Variants in SRPRB observed in about 807,000 individuals in gnomAD.
SRPRB encodes the protein SRP receptor subunit beta.
In SRPRB, 20 loss-of-function variants were observed where a neutral mutation model predicts 31.9. That is an observed-to-expected ratio of 0.63 (90% CI 0.44 to 0.91). The LOEUF (loss-of-function observed/expected upper bound fraction) is 0.91. Ranked by LOEUF, SRPRB falls within the 40% of genes least tolerant of loss-of-function variation. The pLI is 0.00. For missense variants in SRPRB, 321 were observed against 324.9 expected (o/e 0.99, Z 0.09); for synonymous variants, 146 against 132.8 (o/e 1.10, Z -0.68).
chr3:133,806,046 G>A, intron 1 of SRPRB, 44 bp downstream of exon 1: 2 of 1,596,764 alleles, frequency 1.3e-6, no homozygotes, highest in East Asian at 4.5e-5. Context: ...GGCGGGCAGA[G>A]GTCCGGGCTT....
intron 3 of SRPRB, chr3:133,810,528 T>C (rs904664297): frequency 6.6e-6 from 1 of 152,218 alleles, no homozygotes; most frequent in Non-Finnish European, 1.5e-5. Flanking sequence ...GCTCAGGAAT[T>C]GACACAAATG....
chr3:133,800,397 G>A (rs1935044407), intron 1 of SRPRB, among the ~76,000 whole-genome samples: 1 of 152,198 alleles, frequency 6.6e-6, no homozygotes, highest in African/African-American at 2.4e-5. Flanking sequence ...AATCAAGTGA[G>A]TGAGTCAGCT....
intron 3 of SRPRB, chr3:133,810,750 A>G (rs6439441): frequency 0.63 from 103,895 of 166,096 alleles, 34,309 homozygotes; most frequent in African/African-American, 0.85. Flanking sequence ...ATACTCATAC[A>G]GTACTCCTAC....
downstream of SRPRB, chr3:133,825,801 C>G (rs1006203283): frequency 6.6e-6 from 1 of 152,178 alleles, no homozygotes; most frequent in African/African-American, 2.4e-5. Flanking sequence ...GCTAATCTGC[C>G]AGGTCACGTC....
At position 133,806,733 on chromosome 3, in the gene SRPRB, G is replaced by C. The variant is rs373272780; in HGVS notation, c.249+30G>C. 6 of 1,553,794 alleles carry C rather than the reference G, an allele frequency of 3.9e-6. No homozygotes were observed. The African/African-American group carries it at 8.2e-5, about 21-fold the overall frequency. ...ATGATTTCATTGACACCCCTGTTAAGCTTAATAGAAAATTTTATAGATCCC... is the reference window on the plus strand; with the variant it reads ...ATGATTTCATTGACACCCCTGTTAACCTTAATAGAAAATTTTATAGATCCC... On this transcript the variant is annotated intron_variant, in intron 2 of 6. Coordinates refer to ENST00000678299, the MANE Select transcript of SRPRB (RefSeq NM_001379313.1).
Position 133,815,691 on chromosome 3 carries a change from A to G in SRPRB, c.512A>G (p.Asn171Ser), listed in dbSNP as rs1370943007. 2.5e-6 allele frequency: 4 copies of G among 1,613,804 alleles called. No homozygotes were observed. Among genetic ancestry groups the G allele is most frequent in the Non-Finnish European group, 3.4e-6 (4 of 1,179,932 alleles). The change falls in exon 5 of 7, where the codon AAT (asparagine) becomes AGT (serine). Residue 171 changes from asparagine to serine, a missense_variant. Physicochemically the swap from Asn to Ser is conservative, Grantham distance 46. Coordinates refer to ENST00000678299, the MANE Select transcript of SRPRB (RefSeq NM_001379313.1). ...CTCATTGACAGTATGGGTCTGAAGA[A>G]TACACCATCATTCTTAATAGCCTGC... ...QVLIDSMGLK[N>S]TPSFLIACNK... is the part of the protein sequence containing the mutation.
At chr3:133,789,099 A>G (rs1197577045) in intron 1 of SRPRB, 2 of 152,446 alleles carry the variant, frequency 1.3e-5, no homozygotes, top group African/African-American at 4.8e-5. Context: ...ACTGGACCCC[A>G]AAGGGGGATT....
intron 6 of SRPRB, among the ~76,000 whole-genome samples, chr3:133,817,332 TAAA>T (rs1935384943): frequency 6.6e-6 from 1 of 151,946 alleles, no homozygotes; most frequent in African/African-American, 2.4e-5. Flanking sequence ...ATGTAAATAA[TAAA>T]AAATAAAAAC....
rs60088946 is a variant in SRPRB at position 133,800,203 on chromosome 3, G to A, written c.-173-5473G>A. On this transcript the variant is annotated intron_variant, in intron 1 of 7. Transcript: ENST00000466490. ...GATAGGGACCACCTAGGACCTCCGG[G>A]TGTTTCCTTCCCAGATCAAGTCATT... is the stretch of plus-strand genomic sequence containing the variant. 6.1e-3 allele frequency among the ~76,000 whole-genome samples: 926 copies of A among 152,312 alleles called. 8 individuals are homozygous for A. The highest frequency in any genetic ancestry group is 0.021 in the African/African-American group (867 of 41,566).
intron 6 of SRPRB, among the ~76,000 whole-genome samples, chr3:133,817,862 G>C (rs1281759996): frequency 6.6e-6 from 1 of 152,158 alleles, no homozygotes; most frequent in African/African-American, 2.4e-5. Context: ...TTAGAGTCTG[G>C]TAGAATCTAG....
At chr3:133,801,445 G>T (rs940813422), upstream of SRPRB, among the ~76,000 whole-genome samples, 9 of 152,176 alleles carry the variant, frequency 5.9e-5, no homozygotes, top group African/African-American at 2.2e-4. Flanking sequence ...CTGAGTGTGG[G>T]AGCTGTGCAC....
At chr3:133,808,470 AAAATT>A (rs1235916570) in intron 3 of SRPRB, among the ~76,000 whole-genome samples, 2 of 152,226 alleles carry the variant, frequency 1.3e-5, no homozygotes, top group Non-Finnish European at 2.9e-5. Context: ...GCTATACCAT[AAAATT>A]AAATTCTTAC....
At chr3:133,787,470 C>G (rs1024688202) in intron 1 of SRPRB, 1 of 152,148 alleles carries the variant, frequency 6.6e-6, no homozygotes. Flanking sequence ...GCTATGTACA[C>G]AGTGGAAAGT....
downstream of SRPRB, chr3:133,824,680 A>G (rs1005610104): frequency 6.6e-6 from 1 of 152,212 alleles, no homozygotes; most frequent in Admixed American, 6.5e-5. Context: ...ATGACAATCA[A>G]TCAGAGTAGA....
chr3:133,822,874 C>T (rs995554574), downstream of SRPRB, among the ~76,000 whole-genome samples: 6 of 152,176 alleles, frequency 3.9e-5, no homozygotes, highest in African/African-American at 1.4e-4. Flanking sequence ...GAAAACAATC[C>T]CACTTCCCTT....
chr3:133,798,528 A>G lies in SRPRB; in HGVS notation c.-173-7148A>G, dbSNP rs12374072. On this transcript the variant is annotated intron_variant, in intron 1 of 7. Coordinates refer to the SRPRB transcript ENST00000466490. ...TAATTGGAACTCTGCCAATGCTTTTATCTCAAGGTATGATGCCATTTTTGT... is the reference window on the plus strand; with the variant it reads ...TAATTGGAACTCTGCCAATGCTTTTGTCTCAAGGTATGATGCCATTTTTGT... Among the ~76,000 whole-genome samples the G allele has an allele frequency of 3.7e-3, 571 of 152,330 alleles. 1 individual carries two copies. Among genetic ancestry groups the G allele is most frequent in the Middle Eastern group, 6.8e-3 (2 of 294 alleles).
Position 133,819,912 on chromosome 3 carries a change from C to A in SRPRB, c.*146C>A. Reference sequence around the variant, plus strand: ...GGAAACAAAGTACTGTTGAAACCAGCTTGGAATTTTTTTTTTTTTTTTTTT... The same window carrying A: ...GGAAACAAAGTACTGTTGAAACCAGATTGGAATTTTTTTTTTTTTTTTTTT... On this transcript the variant is annotated 3_prime_UTR_variant, in exon 7 of 7. Coordinates refer to ENST00000678299, the MANE Select transcript of SRPRB (RefSeq NM_001379313.1). 3 of 688,126 alleles carry A rather than the reference C, an allele frequency of 4.4e-6. No homozygotes were observed. Among genetic ancestry groups the A allele is most frequent in the Non-Finnish European group, 6.9e-6 (3 of 433,518 alleles). The allele number at this position is 688,126 out of a possible 1,614,324, so 42.6% of individuals were successfully genotyped here. A position where few individuals can be genotyped will look rare whatever the true frequency, so the allele number is the denominator to read the frequency against.
At chr3:133,805,261 A>G (rs953128085), upstream of SRPRB, among the ~76,000 whole-genome samples, 7 of 152,144 alleles carry the variant, frequency 4.6e-5, no homozygotes, top group Non-Finnish European at 7.4e-5. Context: ...TCCCACATAC[A>G]TCGTTTCTTA....
chr3:133,814,773 G>A (rs1279898340), intron 4 of SRPRB, among the ~76,000 whole-genome samples: 1 of 152,330 alleles, frequency 6.6e-6, no homozygotes, highest in African/African-American at 2.4e-5. Flanking sequence ...TCCCTGGGCT[G>A]CTGCACTTTA....
Sources: gnomAD v4.1 joint callset for allele counts (sites outside exome capture counted in the v4.1 genomes callset) on GRCh38, gnomAD v4.1.1 for gene constraint, MANE v1.5 for transcripts, NCBI Gene and HGNC (gene_info 2026-07-23, HGNC 2026-07-21) for gene names.